The following NRXN1 variants were observed in gnomAD, a reference collection of about 807,000 sequenced individuals.
The protein encoded by NRXN1 is neurexin 1.
Under a neutral mutation model 150.9 loss-of-function variants are expected in NRXN1, and 39 were observed. The observed-to-expected ratio is 0.26, with a 90% CI of 0.20 to 0.34. The LOEUF is 0.34. NRXN1 is among the 10% of genes least tolerant of loss of function. NRXN1 has a pLI of 1.00. For missense variants in NRXN1, 1,815 were observed against 1,949.9 expected, an observed-to-expected ratio of 0.93 and a Z score of 1.30; for synonymous variants, 924 against 757.0, an observed-to-expected ratio of 1.22 and a Z score of -3.62.
rs2075734728 is a variant in NRXN1 at position 50,317,829 on chromosome 2, C to T, written c.3365-80859G>A. On this transcript the variant is annotated intron_variant, in intron 17 of 22. Coordinates refer to ENST00000401669, the MANE Select transcript of NRXN1 (RefSeq NM_001330078.2). ...AAAAAGATCATGAAAGGAATTGAAA[C>T]ATTCAAAGGTCCTTTTATTGTCTGA... 2.0e-5 allele frequency among the ~76,000 whole-genome samples: 3 copies of T among 151,954 alleles called. 1 individual carries two copies. Among genetic ancestry groups the T allele is most frequent in the African/African-American group, 4.8e-5 (2 of 41,410 alleles).
intron 17 of NRXN1, among the ~76,000 whole-genome samples, chr2:50,318,384 G>A (rs759877301): frequency 1.3e-5 from 2 of 152,046 alleles, no homozygotes; most frequent in Admixed American, 6.6e-5. Context: ...TACTAGGAAC[G>A]TTACATGTGC....
intron 5 of NRXN1, among the ~76,000 whole-genome samples, chr2:50,703,827 C>T (rs1303742231): frequency 6.6e-6 from 1 of 152,064 alleles, no homozygotes; most frequent in Non-Finnish European, 1.5e-5. Context: ...TATACTAACT[C>T]ATTTTCCAGG....
intron 17 of NRXN1, among the ~76,000 whole-genome samples, chr2:50,445,197 C>T (rs1030779666): frequency 1.3e-5 from 2 of 152,030 alleles, no homozygotes; most frequent in Non-Finnish European, 2.9e-5. Flanking sequence ...CCCACATAAC[C>T]AAAACAACCA....
intron 5 of NRXN1, among the ~76,000 whole-genome samples, chr2:50,873,459 T>G (rs572699984): frequency 5.3e-5 from 8 of 151,930 alleles, no homozygotes; most frequent in African/African-American, 1.9e-4. Context: ...TGGATTAATT[T>G]AAAAGATTAA....
intron 19 of NRXN1, among the ~76,000 whole-genome samples, chr2:50,084,603 C>T (rs79666735): frequency 1.1e-4 from 16 of 152,170 alleles, no homozygotes; most frequent in Admixed American, 6.5e-4. Context: ...CCACACCCCC[C>T]GCAGGCTGAG....
chr2:50,539,600 G>C (rs2093345542), intron 9 of NRXN1, among the ~76,000 whole-genome samples: 1 of 152,164 alleles, frequency 6.6e-6, no homozygotes, highest in South Asian at 2.1e-4. Flanking sequence ...AAATTCCACT[G>C]ATACTTTATC....
At chr2:50,136,327 A>C (rs1440546257) in intron 18 of NRXN1, among the ~76,000 whole-genome samples, 1 of 152,240 alleles carries the variant, frequency 6.6e-6, no homozygotes, top group East Asian at 1.9e-4. Context: ...ACCAAGGAAC[A>C]AGTTCATTTA....
chr2:50,034,630 C>A (rs1026549822), intron 21 of NRXN1, among the ~76,000 whole-genome samples: 4 of 151,926 alleles, frequency 2.6e-5, no homozygotes, highest in African/African-American at 7.2e-5. Context: ...TGCACATGTA[C>A]CCCTGAACTT....
Position 50,552,869 on chromosome 2 carries a change from A to G in NRXN1, c.1477T>C (p.Leu493=). The part of the protein sequence containing the change: ...TFETPESFIS[L]PKWNAKKTGS... Reference sequence around the variant, plus strand: ...GTTTTCTTTGCATTCCATTTAGGCAAAGAGATGAAAGACTCTGGGGTTTCA... The same window carrying G: ...GTTTTCTTTGCATTCCATTTAGGCAGAGAGATGAAAGACTCTGGGGTTTCA... Residue 493 remains leucine (L), a synonymous_variant, in exon 9 of 23, where the codon TTG becomes CTG. Coordinates refer to ENST00000401669, the MANE Select transcript of NRXN1 (RefSeq NM_001330078.2). 1 of 1,613,986 alleles carries G rather than the reference A, an allele frequency of 6.2e-7. No individual in the cohort carries two copies. The highest frequency in any genetic ancestry group is 1.3e-5 in the African/African-American group (1 of 75,044).
chr2:50,225,937 G>T (rs889293793), intron 18 of NRXN1, among the ~76,000 whole-genome samples: 2 of 152,000 alleles, frequency 1.3e-5, no homozygotes, highest in Non-Finnish European at 2.9e-5. Context: ...CATAATTTAT[G>T]TGATATGTGG....
At chr2:50,828,243 C>T (rs1670780544) in intron 5 of NRXN1, among the ~76,000 whole-genome samples, 1 of 150,396 alleles carries the variant, frequency 6.6e-6, no homozygotes, top group Admixed American at 6.6e-5. Flanking sequence ...CCCTCACCTC[C>T]CGGACGGGGC....
intron 5 of NRXN1, among the ~76,000 whole-genome samples, chr2:50,886,341 G>C (rs1195103035): frequency 6.6e-6 from 1 of 151,256 alleles, no homozygotes; most frequent in Non-Finnish European, 1.5e-5. Context: ...GTTCTTTCTG[G>C]AATGCAATAA....
intron 2 of NRXN1, among the ~76,000 whole-genome samples, chr2:50,970,561 T>A (rs1694840292): frequency 6.6e-6 from 1 of 152,104 alleles, no homozygotes; most frequent in South Asian, 2.1e-4. Context: ...AACACCAGAA[T>A]AACCAAACAC....
chr2:50,616,422 G>T (rs1172986302), intron 8 of NRXN1: 4 of 152,152 alleles, frequency 2.6e-5, no homozygotes, highest in African/African-American at 9.7e-5. Flanking sequence ...TATAGGGAAA[G>T]ACCTAAGTTG....
At chr2:50,767,707 T>G (rs1388054821) in intron 5 of NRXN1, among the ~76,000 whole-genome samples, 1 of 152,132 alleles carries the variant, frequency 6.6e-6, no homozygotes, top group Non-Finnish European at 1.5e-5. Flanking sequence ...GCTGAATACA[T>G]TCATATTTCC....
At chr2:50,979,133 T>A (rs1042626349) in intron 2 of NRXN1, 3 of 377,070 alleles carry the variant, frequency 8.0e-6, no homozygotes, top group Non-Finnish European at 1.6e-5. Flanking sequence ...TAGAGAATAT[T>A]TAAAACCTTG....
At chr2:49,958,524 G>A (rs575089543) in intron 21 of NRXN1, among the ~76,000 whole-genome samples, 13 of 152,084 alleles carry the variant, frequency 8.5e-5, no homozygotes, top group East Asian at 1.9e-4. Flanking sequence ...TGCAATCCCC[G>A]CCTGCCCTCT....
chr2:50,696,796 A>G (rs1559137101), intron 5 of NRXN1, among the ~76,000 whole-genome samples: 2 of 152,182 alleles, frequency 1.3e-5, no homozygotes. Context: ...ACTAAGTTTC[A>G]TATACTACCA....
intron 17 of NRXN1, among the ~76,000 whole-genome samples, chr2:50,293,574 G>A (rs962712326): frequency 6.6e-6 from 1 of 152,134 alleles, no homozygotes; most frequent in Non-Finnish European, 1.5e-5. Context: ...CCACAGCAGG[G>A]CTACCTTTAC....
Sources: gnomAD v4.1 joint callset for allele counts (sites outside exome capture counted in the v4.1 genomes callset) on GRCh38, gnomAD v4.1.1 for gene constraint, MANE v1.5 for transcripts, NCBI Gene and HGNC (gene_info 2026-07-23, HGNC 2026-07-21) for gene names.